The following TMPRSS15 variants were observed in gnomAD, a reference collection of about 807,000 sequenced individuals.
TMPRSS15 encodes the protein enteropeptidase.
Under a neutral mutation model 125.3 loss-of-function variants are expected in TMPRSS15, and 128 were observed. The observed-to-expected ratio is 1.02, with a 90% CI of 0.89 to 1.18. The LOEUF (loss-of-function observed/expected upper bound fraction) is 1.18, where lower values mean the gene tolerates loss of function less well. Among genes scored for constraint, TMPRSS15 ranks in the 50% most tolerant of loss-of-function variants. The probability of loss-of-function intolerance (pLI) is 0.00; values close to 1 mark genes in which losing one functional copy is unlikely to be tolerated. For missense variants in TMPRSS15, 1,283 were observed against 1,212.7 expected, an observed-to-expected ratio of 1.06 and a Z score of -0.86; for synonymous variants, 446 against 423.2, an observed-to-expected ratio of 1.05 and a Z score of -0.66.
Position 18,350,759 on chromosome 21 carries a change from C to CAT in TMPRSS15, c.1171+2142_1171+2143dup, listed in dbSNP as rs563248607. On this transcript the variant is annotated intron_variant, in intron 10 of 24. Coordinates refer to ENST00000284885, the MANE Select transcript of TMPRSS15 (RefSeq NM_002772.3). ...CAAGGAACAATTAATTATATATATA[C>CAT]ATATATATATAATTTCCTATTCTCT... Among the ~76,000 whole-genome samples the CAT allele has an allele frequency of 3.1e-3, 471 of 151,188 alleles. 6 individuals carry two copies. The highest frequency in any genetic ancestry group is 0.02 in the South Asian group (96 of 4,788).
chr21:18,297,383 A>C (rs1259712923), intron 19 of TMPRSS15, among the ~76,000 whole-genome samples: 8 of 152,210 alleles, frequency 5.3e-5, no homozygotes, highest in African/African-American at 1.7e-4. Context: ...TCAACACTGG[A>C]CCTGTTTTAT....
intron 22 of TMPRSS15, among the ~76,000 whole-genome samples, chr21:18,279,908 C>T (rs1413747839): frequency 1.3e-5 from 2 of 152,066 alleles, no homozygotes; most frequent in African/African-American, 2.4e-5. Context: ...ACTTTTAAAG[C>T]CCTTCTTGCA....
intron 1 of TMPRSS15, among the ~76,000 whole-genome samples, chr21:18,412,578 T>C (rs2076168777): frequency 6.6e-6 from 1 of 152,230 alleles, no homozygotes; most frequent in Admixed American, 6.5e-5. Flanking sequence ...TATTTCGTAC[T>C]AGGTAAATAC....
At chr21:18,483,825 A>T (rs367829491) in intron 1 of TMPRSS15, among the ~76,000 whole-genome samples, 2 of 151,898 alleles carry the variant, frequency 1.3e-5, no homozygotes, top group Non-Finnish European at 2.9e-5. Context: ...TACTACACCA[A>T]TGTAACCAGA....
At chr21:18,483,793 T>C (rs1256893593) in intron 1 of TMPRSS15, among the ~76,000 whole-genome samples, 1 of 151,904 alleles carries the variant, frequency 6.6e-6, no homozygotes, top group Non-Finnish European at 1.5e-5. Flanking sequence ...ATCATGCATA[T>C]CTTTATGAAT....
At chr21:18,271,978 TTGA>T (rs371382048) in intron 24 of TMPRSS15, among the ~76,000 whole-genome samples, 5,084 of 152,264 alleles carry the variant, frequency 0.033, 222 homozygotes, top group African/African-American at 0.1. Flanking sequence ...CAGTCTATCA[TTGA>T]TGATGGGCAT....
intron 16 of TMPRSS15, among the ~76,000 whole-genome samples, chr21:18,316,849 T>C (rs1254131910): frequency 1.3e-5 from 2 of 152,120 alleles, no homozygotes; most frequent in African/African-American, 2.4e-5. Flanking sequence ...TTTCTGATTA[T>C]GGCTTAGGAG....
At chr21:18,406,504 G>A (rs2076152249), upstream of TMPRSS15, among the ~76,000 whole-genome samples, 1 of 152,090 alleles carries the variant, frequency 6.6e-6, no homozygotes, top group South Asian at 2.1e-4. Context: ...TAAAAGACAA[G>A]TAGCAGGCAA....
intron 21 of TMPRSS15, among the ~76,000 whole-genome samples, chr21:18,286,307 AG>A (rs1259014601): frequency 6.6e-6 from 1 of 152,150 alleles, no homozygotes; most frequent in African/African-American, 2.4e-5. Context: ...ATCTTAACCA[AG>A]TCATTATTTT....
At chr21:18,424,847 A>G (rs2123198683) in intron 1 of TMPRSS15, among the ~76,000 whole-genome samples, 2 of 149,744 alleles carry the variant, frequency 1.3e-5, no homozygotes, top group Middle Eastern at 3.5e-3. Flanking sequence ...ATAGCAGTAG[A>G]AAGAATGAAG....
intron 1 of TMPRSS15, among the ~76,000 whole-genome samples, chr21:18,451,469 A>T (rs1978338691): frequency 6.6e-6 from 1 of 152,128 alleles, no homozygotes; most frequent in Admixed American, 6.6e-5. Context: ...TAAAATGTAG[A>T]GACACTGAAA....
upstream of TMPRSS15, among the ~76,000 whole-genome samples, chr21:18,407,178 A>G (rs1482304926): frequency 6.6e-6 from 1 of 152,168 alleles, no homozygotes; most frequent in Non-Finnish European, 1.5e-5. Flanking sequence ...GTTGGTTAAT[A>G]TAGAAATAGA....
intron 20 of TMPRSS15, 36 bp downstream of exon 20, chr21:18,294,567 A>C: frequency 3.7e-6 from 6 of 1,605,572 alleles, no homozygotes; most frequent in Non-Finnish European, 5.1e-6. Flanking sequence ...TTTAAACAGA[A>C]TGCTTGAAGT....
intron 4 of TMPRSS15, among the ~76,000 whole-genome samples, chr21:18,380,167 T>TCACA (rs34787707): frequency 0.2 from 27,635 of 139,240 alleles, 2,773 homozygotes; most frequent in Non-Finnish European, 0.21. Flanking sequence ...TATGGAGATG[T>TCACA]CACACACACA....
chr21:18,294,308 G>C lies in TMPRSS15; in HGVS notation c.2448C>G (p.Ser816Arg). Residue 816 changes from serine (S) to arginine (R), a missense_variant, in exon 21 of 25, where the codon AGC becomes AGG. Ser to Arg is a moderately radical substitution (Grantham distance 110). Transcript: ENST00000284885. Reference sequence around the variant, plus strand: ...GTGCGGCGGACACCAGCCAGTCACTGCTGACGAGAGATGCGCCGCAGAGCA... The same window carrying C: ...GTGCGGCGGACACCAGCCAGTCACTCCTGACGAGAGATGCGCCGCAGAGCA... ...GRLLCGASLV[S>R]SDWLVSAAHC... is the part of the protein sequence containing the mutation. The C allele has an allele frequency of 6.2e-7, 1 of 1,614,238 alleles. No individual in the cohort carries two copies.
chr21:18,452,888 A>G (rs1978368208), intron 1 of TMPRSS15, among the ~76,000 whole-genome samples: 1 of 152,188 alleles, frequency 6.6e-6, no homozygotes, highest in Non-Finnish European at 1.5e-5. Context: ...AACCAAGGTA[A>G]TAGGCATATC....
intron 21 of TMPRSS15, among the ~76,000 whole-genome samples, chr21:18,287,060 G>A (rs1186742240): frequency 6.6e-6 from 1 of 152,004 alleles, no homozygotes; most frequent in Non-Finnish European, 1.5e-5. Context: ...CATATTTTCT[G>A]TTCATACTAC....
intron 6 of TMPRSS15, among the ~76,000 whole-genome samples, chr21:18,368,513 G>A (rs563457512): frequency 6.6e-6 from 1 of 152,286 alleles, no homozygotes; most frequent in African/African-American, 2.4e-5. Flanking sequence ...TCCAGTAGAG[G>A]ACTCTGGGGG....
intron 1 of TMPRSS15, among the ~76,000 whole-genome samples, chr21:18,446,538 G>A (rs2076256153): frequency 6.6e-6 from 1 of 152,076 alleles, no homozygotes; most frequent in Admixed American, 6.6e-5. Flanking sequence ...CATACTACCT[G>A]ACTTTAAAAT....
Sources: allele counts gnomAD v4.1 joint callset (sites outside exome capture counted in the v4.1 genomes callset), GRCh38; gene constraint gnomAD v4.1.1; transcripts MANE v1.5; gene names NCBI Gene and HGNC (gene_info 2026-07-23, HGNC 2026-07-21).